GALC: variants seen among roughly 807,000 people sequenced by gnomAD.
GALC encodes the protein galactosylceramidase.
Under a neutral mutation model 91.8 loss-of-function variants are expected in GALC, and 77 were observed. The ratio of observed to expected loss-of-function variants is 0.84; its 90% confidence interval spans 0.70 to 1.01. The LOEUF is 1.01. Among genes scored for constraint, GALC ranks in the 50% least tolerant of loss-of-function variants. The pLI, the probability that GALC is intolerant of heterozygous loss-of-function variation, is 0.00. For missense variants in GALC, 882 were observed against 855.9 expected, an observed-to-expected ratio of 1.03 and a Z score of -0.38; for synonymous variants, 357 against 306.7, an observed-to-expected ratio of 1.16 and a Z score of -1.71.
In GALC at chr14:87,952,837, C is replaced by T. The variant is rs1008839208; in HGVS notation, c.1162-2089G>A. 1.3e-5 allele frequency: 17 copies of T among 1,307,344 alleles called. 1 individual carries two copies. The Admixed American group carries it at 2.1e-4, about 16-fold the overall frequency. 81.0% of individuals were successfully genotyped at this position (1,307,344 alleles called of 1,614,324 possible). ...CACTCCTCTAGACTGAGTGAGGTAACGAGCTCTAATATGCAAATATGTGGA... is the reference window on the plus strand; with the variant it reads ...CACTCCTCTAGACTGAGTGAGGTAATGAGCTCTAATATGCAAATATGTGGA... On this transcript the variant is annotated intron_variant, in intron 10 of 16. Transcript: ENST00000261304.
At chr14:87,969,148 T>G (rs1273039726) in intron 7 of GALC, among the ~76,000 whole-genome samples, 2 of 152,292 alleles carry the variant, frequency 1.3e-5, no homozygotes, top group African/African-American at 4.8e-5. Flanking sequence ...CCAGATGATT[T>G]TTGTCCCTGG....
intron 10 of GALC, chr14:87,952,498 A>G (rs1885352886): frequency 3.2e-6 from 2 of 633,100 alleles, no homozygotes; most frequent in South Asian, 1.7e-5. Flanking sequence ...CCTGCCTAAT[A>G]TCCTGTTGAG....
At chr14:87,954,896 T>A in intron 10 of GALC, 3 of 1,578,896 alleles carry the variant, frequency 1.9e-6, no homozygotes, top group Non-Finnish European at 8.7e-7. Context: ...AGGCCAGCTT[T>A]AATGACTGTA....
intron 10 of GALC, chr14:87,954,739 TTC>T: frequency 3.8e-6 from 6 of 1,564,090 alleles, no homozygotes; most frequent in Non-Finnish European, 4.4e-6. Flanking sequence ...ATGCTCACAG[TTC>T]TCTGAAGAGT....
At chr14:87,987,163 T>C in intron 3 of GALC, 1 of 414,492 alleles carries the variant, frequency 2.4e-6, no homozygotes, top group South Asian at 1.8e-5. Flanking sequence ...GAGGTTACAT[T>C]GTCTTAGCAC....
chr14:87,993,203 T>A, upstream of GALC: 1 of 1,554,794 alleles, frequency 6.4e-7, no homozygotes, highest in African/African-American at 1.4e-5. Context: ...GGGAGGCGGG[T>A]CCCGTCGCCG....
chr14:87,974,817 T>C (rs1163354180), intron 7 of GALC, among the ~76,000 whole-genome samples: 2 of 151,660 alleles, frequency 1.3e-5, no homozygotes, highest in Non-Finnish European at 2.9e-5. Flanking sequence ...AAATTAATGA[T>C]AAAACAGCCC....
intron 7 of GALC, among the ~76,000 whole-genome samples, chr14:87,968,889 G>A (rs1314583549): frequency 1.3e-5 from 2 of 152,228 alleles, no homozygotes; most frequent in East Asian, 3.9e-4. Context: ...GACTTCCCAG[G>A]GGAAGCTAAG....
Position 87,958,043 on chromosome 14 carries a change from A to G in GALC, c.1161+5341T>C, listed in dbSNP as rs570784329. Reference sequence around the variant, plus strand: ...TCATATGGAACCAAAAAAGAGTCCAAACAGCCAAAGCAATCCTAAACAAAA... The same window carrying G: ...TCATATGGAACCAAAAAAGAGTCCAGACAGCCAAAGCAATCCTAAACAAAA... On this transcript the variant is annotated intron_variant, in intron 10 of 16. Coordinates refer to ENST00000261304, the MANE Select transcript of GALC (RefSeq NM_000153.4). 2.0e-5 allele frequency among the ~76,000 whole-genome samples: 3 copies of G among 152,270 alleles called. No individual in the cohort carries two copies. The East Asian group carries it at 5.8e-4, about 29-fold the overall frequency.
chr14:87,993,262 C>T, upstream of GALC: 1 of 1,539,252 alleles, frequency 6.5e-7, no homozygotes, highest in Non-Finnish European at 8.7e-7. Flanking sequence ...CCGCCGCCGC[C>T]ATTTTGAGTG....
rs564484509 is a variant in GALC at position 87,940,680 on chromosome 14, A to G, written c.1835-699T>C. 6.6e-4 allele frequency among the ~76,000 whole-genome samples: 101 copies of G among 151,988 alleles called. 1 individual carries two copies. The highest frequency in any genetic ancestry group is 2.3e-3 in the African/African-American group (94 of 41,526). On this transcript the variant is annotated intron_variant, in intron 15 of 16. Transcript: ENST00000261304. Reference sequence around the variant, plus strand: ...ATCCTTACTACCTACTTCCTCTTTAATTTTTATTTTATTTATGGAGTCAAA... The same window carrying G: ...ATCCTTACTACCTACTTCCTCTTTAGTTTTTATTTTATTTATGGAGTCAAA...
rs1884482172 is a variant in GALC at position 87,934,396 on chromosome 14, T to C, written c.*336A>G. On this transcript the variant is annotated 3_prime_UTR_variant, in exon 17 of 17. Coordinates refer to ENST00000261304, the MANE Select transcript of GALC (RefSeq NM_000153.4). Reference sequence around the variant, plus strand: ...AAGTTACTGCCATCTACAGGACCGCTTGCAAATAAGATGAAGAGAGCTACC... The same window carrying C: ...AAGTTACTGCCATCTACAGGACCGCCTGCAAATAAGATGAAGAGAGCTACC... The C allele has an allele frequency of 7.9e-7, 1 of 1,271,184 alleles. No individual in the cohort carries two copies. The highest frequency in any genetic ancestry group is 1.0e-6 in the Non-Finnish European group (1 of 1,000,662). The allele number at this position is 1,271,184 out of a possible 1,614,324, so 78.7% of individuals were successfully genotyped here.
At position 87,934,802 on chromosome 14, in the gene GALC, CA is replaced by C. The variant is rs2139925729; in HGVS notation, c.1987del (p.Trp663GlyfsTer26). 1 of 1,613,008 alleles carries C rather than the reference CA, an allele frequency of 6.2e-7. No individual in the cohort carries two copies. Among genetic ancestry groups the C allele is most frequent in the Admixed American group, 1.7e-5 (1 of 59,866 alleles). On this transcript the variant is annotated frameshift_variant, in exon 17 of 17. Transcript: ENST00000261304. LOFTEE classifies it high-confidence loss of function. ...AAAGGAGTGAGTTCCAATTGCAGCC[CA>C]GCCATTCTTTGGAAAATTCACAGGG... ...DIPVNFPKNG[W>X]AAIGTHSFEF...
At chr14:87,948,218 G>A (rs900227960) in intron 12 of GALC, among the ~76,000 whole-genome samples, 1 of 151,920 alleles carries the variant, frequency 6.6e-6, no homozygotes, top group African/African-American at 2.4e-5. Context: ...GCAACTAAGA[G>A]ACCTGCTTTT....
Position 87,941,455 on chromosome 14 carries a change from C to T in GALC, c.1774G>A (p.Ala592Thr), listed in dbSNP as rs1360345372. The part of the protein sequence containing the change: ...VNKGGILIRS[A>T]RGIFFWIFAN... ...AAAATCCAGAAGAAAATTCCTCTGG[C>T]ACTTCTAATCAAAATACCACCTTTA... Residue 592 changes from alanine (A) to threonine (T), a missense_variant, in exon 15 of 17, where the codon GCC becomes ACC. Transcript: ENST00000261304. 1.2e-6 allele frequency: 2 copies of T among 1,609,276 alleles called. No homozygotes were observed. Among genetic ancestry groups the T allele is most frequent in the Admixed American group, 1.7e-5 (1 of 59,904 alleles).
chr14:87,934,992 G>T lies in GALC; in HGVS notation c.1912-114C>A, dbSNP rs942453256. 3 of 748,306 alleles carry T rather than the reference G, an allele frequency of 4.0e-6. No individual in the cohort carries two copies. In the African/African-American group the frequency reaches 5.3e-5, roughly 13 times the overall value. The allele number at this position is 748,306 out of a possible 1,614,324, so 46.4% of individuals were successfully genotyped here. ...TGGAGCAAATGTACTACTCACTCAA[G>T]ACTTAACCACAGCAAAACACAATTC... On this transcript the variant is annotated intron_variant, in intron 16 of 16. Transcript: ENST00000261304.
At position 87,963,259 on chromosome 14, in the gene GALC, A is replaced by G. The variant is rs1186592635; in HGVS notation, c.1161+125T>C. On this transcript the variant is annotated intron_variant, in intron 10 of 16. Transcript: ENST00000261304. Reference sequence around the variant, plus strand: ...GGCTAAAATTTTTTAAATGAAAGCCATAAGATCTTGGCATCTGTCTGTATG... The same window carrying G: ...GGCTAAAATTTTTTAAATGAAAGCCGTAAGATCTTGGCATCTGTCTGTATG... The G allele has an allele frequency of 8.8e-6, 9 of 1,017,542 alleles. No individual in the cohort carries two copies. In the East Asian group the frequency reaches 1.8e-4, roughly 20 times the overall value. The allele number at this position is 1,017,542 out of a possible 1,614,324, so 63.0% of individuals were successfully genotyped here. A position where few individuals can be genotyped will look rare whatever the true frequency, so the allele number is the denominator to read the frequency against.
intron 12 of GALC, among the ~76,000 whole-genome samples, chr14:87,949,453 G>A (rs1006472954): frequency 2.6e-5 from 4 of 151,994 alleles, no homozygotes; most frequent in African/African-American, 9.7e-5. Flanking sequence ...TGTGATGGGT[G>A]ACCTGGAAAG....
intron 4 of GALC, among the ~76,000 whole-genome samples, 181 bp from the exon 5 acceptor site, chr14:87,984,714 T>C (rs1031897484): frequency 9.2e-5 from 14 of 152,246 alleles, no homozygotes; most frequent in African/African-American, 3.4e-4. Flanking sequence ...CTATAGACAC[T>C]ATAATTCCTT....
Sources: allele counts gnomAD v4.1 joint callset (sites outside exome capture counted in the v4.1 genomes callset), GRCh38; gene constraint gnomAD v4.1.1; transcripts MANE v1.5; gene names NCBI Gene and HGNC (gene_info 2026-07-23, HGNC 2026-07-21).